Variants in COL26A1 observed in about 807,000 individuals in gnomAD.
COL26A1 encodes the protein collagen alpha-1(XXVI) chain.
COL26A1 carries 41 observed loss-of-function variants against 59.3 expected under a neutral mutation model. The ratio of observed to expected loss-of-function variants is 0.69; its 90% CI spans 0.54 to 0.90. The LOEUF is 0.90. Ranked by LOEUF, COL26A1 falls within the 40% of genes least tolerant of loss-of-function variation. The probability of loss-of-function intolerance (pLI) is 0.00; values close to 1 mark genes in which losing one functional copy is unlikely to be tolerated. For missense variants in COL26A1, 612 were observed against 602.3 expected (o/e 1.02, Z -0.17); for synonymous variants, 266 against 256.0 (o/e 1.04, Z -0.37).
chr7:101,472,544 G>A (rs970723390), intron 3 of COL26A1, among the ~76,000 whole-genome samples: 11 of 152,092 alleles, frequency 7.2e-5, no homozygotes, highest in South Asian at 2.1e-4. Flanking sequence ...GATCCATTCC[G>A]CCATGGAGGG....
At chr7:101,457,273 C>T (rs1367224638) in intron 3 of COL26A1, among the ~76,000 whole-genome samples, 1 of 152,054 alleles carries the variant, frequency 6.6e-6, no homozygotes, top group South Asian at 2.1e-4. Flanking sequence ...CTCAAAAGAC[C>T]AATCTTAGGT....
chr7:101,389,984 T>G (rs1387250143), intron 1 of COL26A1, among the ~76,000 whole-genome samples: 1 of 152,124 alleles, frequency 6.6e-6, no homozygotes, highest in Admixed American at 6.6e-5. Context: ...ATTGGATCTT[T>G]CGATGCACAG....
intron 3 of COL26A1, among the ~76,000 whole-genome samples, chr7:101,496,165 T>C (rs1794581804): frequency 6.6e-6 from 1 of 152,186 alleles, no homozygotes; most frequent in Non-Finnish European, 1.5e-5. Context: ...AACCGGATGT[T>C]GCATTTCCCA....
chr7:101,393,861 T>A (rs1791790994), intron 1 of COL26A1, among the ~76,000 whole-genome samples: 1 of 152,142 alleles, frequency 6.6e-6, no homozygotes, highest in Non-Finnish European at 1.5e-5. Flanking sequence ...ATCCTCCCAC[T>A]TCAGCTTCCT....
intron 5 of COL26A1, among the ~76,000 whole-genome samples, chr7:101,541,654 G>A (rs1795620313): frequency 6.6e-6 from 1 of 151,926 alleles, no homozygotes; most frequent in African/African-American, 2.4e-5. Flanking sequence ...GCTTGGCCCT[G>A]GCCACATTTT....
At position 101,476,968 on chromosome 7, in the gene COL26A1, C is replaced by T. The variant is rs190680343; in HGVS notation, c.385+29181C>T. On this transcript the variant is annotated intron_variant, in intron 3 of 12. Transcript: ENST00000313669. ...AAGTGATTCTCCTGCCTCAGCCTCC[C>T]GAGTAGCTGGGATTACAGGCATGCA... is the stretch of plus-strand genomic sequence containing the variant. 4.8e-3 allele frequency among the ~76,000 whole-genome samples: 730 copies of T among 151,852 alleles called. 2 individuals are homozygous for T. The highest frequency in any genetic ancestry group is 0.017 in the African/African-American group (707 of 41,370).
chr7:101,547,820 CATTCATTCGTTT>C (rs1795772793), intron 8 of COL26A1, among the ~76,000 whole-genome samples: 1 of 145,924 alleles, frequency 6.9e-6, no homozygotes, highest in African/African-American at 2.8e-5. Context: ...TTCGTTCATT[CATTCATTCGTTT>C]ATTCATTCAT....
chr7:101,489,790 CTTTCTTTCTTT>C (rs1794382674), intron 3 of COL26A1, among the ~76,000 whole-genome samples: 1 of 2,112 alleles, frequency 4.7e-4, no homozygotes, highest in Non-Finnish European at 1.2e-3. Context: ...TTCTTTCTTT[CTTTCTTTCTTT>C]CTTTCTTTCT....
chr7:101,391,074 CAG>C (rs1426937511), intron 1 of COL26A1, among the ~76,000 whole-genome samples: 3 of 152,192 alleles, frequency 2.0e-5, no homozygotes, highest in African/African-American at 7.2e-5. Flanking sequence ...ACAGGAGCCT[CAG>C]GGGAACAGAG....
At chr7:101,465,062 G>A (rs541632741) in intron 3 of COL26A1, among the ~76,000 whole-genome samples, 2 of 142,668 alleles carry the variant, frequency 1.4e-5, no homozygotes, top group East Asian at 4.1e-4. Flanking sequence ...TGTTGGGACA[G>A]AGTCTCATTC....
intron 3 of COL26A1, among the ~76,000 whole-genome samples, chr7:101,484,895 C>T (rs1463048296): frequency 1.3e-5 from 2 of 151,472 alleles, no homozygotes; most frequent in Non-Finnish European, 2.9e-5. Context: ...GCTCTTGTTA[C>T]CCAGGCTGGA....
intron 1 of COL26A1, among the ~76,000 whole-genome samples, chr7:101,419,685 TCTC>T (rs1792464716): frequency 1.3e-5 from 2 of 152,320 alleles, no homozygotes; most frequent in African/African-American, 2.4e-5. Flanking sequence ...GACTGTGTCA[TCTC>T]CTCTCCCCAC....
intron 7 of COL26A1, among the ~76,000 whole-genome samples, chr7:101,545,714 T>C (rs944946076): frequency 2.0e-5 from 3 of 152,192 alleles, no homozygotes; most frequent in South Asian, 2.1e-4. Flanking sequence ...GGCTTGGTCC[T>C]GGGGCTAAGC....
At chr7:101,441,007 AAAAAG>A (rs1793045586) in intron 2 of COL26A1, among the ~76,000 whole-genome samples, 4 of 151,966 alleles carry the variant, frequency 2.6e-5, no homozygotes. Flanking sequence ...AAGAAAAAGA[AAAAAG>A]AAAAGAGCAT....
At chr7:101,367,671 G>GAA (rs60293558) in intron 1 of COL26A1, among the ~76,000 whole-genome samples, 2 of 111,696 alleles carry the variant, frequency 1.8e-5, no homozygotes, top group Admixed American at 1.0e-4. Context: ...TCTCAAAAAA[G>GAA]AAAAAAAAAA....
Position 101,521,052 on chromosome 7 carries a change from G to T in COL26A1, c.386-12030G>T, listed in dbSNP as rs1795132920. 2.0e-5 allele frequency among the ~76,000 whole-genome samples: 3 copies of T among 152,312 alleles called. 1 individual carries two copies. The South Asian group carries it at 6.2e-4, about 32-fold the overall frequency. The stretch of plus-strand genomic sequence containing the variant: ...TGACTCACAACTCTACATGGCTGGG[G>T]AGGCCTCAGGAAACTTACAATCATG... On this transcript the variant is annotated intron_variant, in intron 3 of 12. Coordinates refer to ENST00000313669, the MANE Select transcript of COL26A1 (RefSeq NM_001278563.3).
At position 101,411,480 on chromosome 7, in the gene COL26A1, C is replaced by G. The variant is rs569194200; in HGVS notation, c.159-8497C>G. 5.9e-5 allele frequency among the ~76,000 whole-genome samples: 9 copies of G among 152,050 alleles called. No individual in the cohort carries two copies. The East Asian group carries it at 1.6e-3, about 26-fold the overall frequency. On this transcript the variant is annotated intron_variant, in intron 1 of 12. Transcript: ENST00000313669. ...CCACCATGGGAGGGGCGTCAGGACA[C>G]GGACTTGCAGGCACGGTGCCTAATT...
chr7:101,362,429 T>C (rs1029279916), upstream of COL26A1, among the ~76,000 whole-genome samples: 1 of 152,144 alleles, frequency 6.6e-6, no homozygotes, highest in Non-Finnish European at 1.5e-5. Flanking sequence ...TGGGAAGCTC[T>C]GGTCAGTTTC....
chr7:101,459,259 T>G (rs1342605629), intron 3 of COL26A1, among the ~76,000 whole-genome samples: 2 of 152,148 alleles, frequency 1.3e-5, no homozygotes, highest in Admixed American at 1.3e-4. Flanking sequence ...CTGCAATTCC[T>G]AAGGTGGCCT....
Sources: gnomAD v4.1 joint callset for allele counts (sites outside exome capture counted in the v4.1 genomes callset) on GRCh38, gnomAD v4.1.1 for gene constraint, MANE v1.5 for transcripts, NCBI Gene and HGNC (gene_info 2026-07-23, HGNC 2026-07-21) for gene names.